The following DOCK1 variants were observed in gnomAD, a reference collection of about 807,000 sequenced individuals.
DOCK1 encodes the protein dedicator of cytokinesis 1, also known as dedicator of cytokinesis protein 1.
Under a neutral mutation model 262.7 loss-of-function variants are expected in DOCK1, and 138 were observed. The ratio of observed to expected loss-of-function variants is 0.53; its 90% CI spans 0.46 to 0.61. The LOEUF (loss-of-function observed/expected upper bound fraction) is 0.61, where lower values mean the gene tolerates loss of function less well. Among genes scored for constraint, DOCK1 ranks in the 20% least tolerant of loss-of-function variants. The pLI, the probability that DOCK1 is intolerant of heterozygous loss-of-function variation, is 0.00. For synonymous variants in DOCK1, 866 were observed against 867.4 expected, an observed-to-expected ratio of 1.00 and a Z score of 0.03; for missense variants, 1,908 against 2,370.7, an observed-to-expected ratio of 0.80 and a Z score of 4.05.
intron 23 of DOCK1, among the ~76,000 whole-genome samples, chr10:127,091,928 G>A (rs765260237): frequency 2.0e-5 from 3 of 152,248 alleles, no homozygotes; most frequent in Middle Eastern, 3.4e-3. Flanking sequence ...AGTTGGTACC[G>A]GGGAACCTGA....
intron 28 of DOCK1, among the ~76,000 whole-genome samples, chr10:127,248,726 G>C (rs995013499): frequency 6.6e-6 from 1 of 152,326 alleles, no homozygotes; most frequent in Non-Finnish European, 1.5e-5. Flanking sequence ...GGCAGACTTT[G>C]TGATTACATG....
intron 12 of DOCK1, among the ~76,000 whole-genome samples, chr10:127,016,990 CA>C: frequency 1.2e-5 from 1 of 82,268 alleles, no homozygotes; most frequent in East Asian, 3.8e-4. Flanking sequence ...CACACACACA[CA>C]GATACAGACA....
chr10:127,381,242 A>G, intron 36 of DOCK1, 36 bp from the exon 37 acceptor site: 1 of 1,558,672 alleles, frequency 6.4e-7, no homozygotes, highest in African/African-American at 1.4e-5. Flanking sequence ...TTATTTAGTG[A>G]CATTTTAAGA....
intron 27 of DOCK1, among the ~76,000 whole-genome samples, chr10:127,132,604 G>A (rs1181904756): frequency 3.9e-5 from 6 of 152,120 alleles, no homozygotes; most frequent in African/African-American, 1.2e-4. Context: ...GCAGGTGACC[G>A]CGGCTGGGAT....
intron 27 of DOCK1, among the ~76,000 whole-genome samples, chr10:127,195,060 C>T (rs1446251530): frequency 6.6e-6 from 1 of 152,202 alleles, no homozygotes; most frequent in African/African-American, 2.4e-5. Context: ...CTCTCCTCCC[C>T]CACTCCTGGC....
intron 1 of DOCK1, among the ~76,000 whole-genome samples, chr10:126,941,202 T>C (rs2134250340): frequency 6.6e-6 from 1 of 152,300 alleles, no homozygotes; most frequent in Admixed American, 6.5e-5. Context: ...GTTGGTAGCT[T>C]CCTTGTTTTT....
At chr10:126,922,209 CAAAAAA>C (rs1213635501) in intron 1 of DOCK1, among the ~76,000 whole-genome samples, 16 of 63,940 alleles carry the variant, frequency 2.5e-4, no homozygotes, top group African/African-American at 8.7e-4. Context: ...GACCCTGTAT[CAAAAAA>C]AAAAAAAAAA....
chr10:127,138,406 A>G (rs372454608), intron 27 of DOCK1, among the ~76,000 whole-genome samples: 1 of 152,162 alleles, frequency 6.6e-6, no homozygotes, highest in Non-Finnish European at 1.5e-5. Context: ...ACCTTAGTAC[A>G]TCTATACCAA....
At chr10:127,137,901 G>A in intron 27 of DOCK1, 1 of 1,614,152 alleles carries the variant, frequency 6.2e-7, no homozygotes, top group Middle Eastern at 1.6e-4. Flanking sequence ...TTGCTTGGGA[G>A]TTGAGGAGTA....
At chr10:126,958,493 T>G (rs2036927490) in intron 1 of DOCK1, among the ~76,000 whole-genome samples, 1 of 152,280 alleles carries the variant, frequency 6.6e-6, no homozygotes, top group Admixed American at 6.5e-5. Flanking sequence ...ACAATGGGTA[T>G]TCCCACATCT....
Position 127,443,081 on chromosome 10 carries a change from C to T in DOCK1, c.5260-1045C>T, listed in dbSNP as rs75642990. 6.9e-3 allele frequency among the ~76,000 whole-genome samples: 1,047 copies of T among 152,276 alleles called. 11 individuals are homozygous for T. Among genetic ancestry groups the T allele is most frequent in the African/African-American group, 0.024 (982 of 41,542 alleles). ...TGAGGGAGAGTCTACACATGCCTCT[C>T]TCCTCCTGTCTGGGGGTTTGCTGCC... On this transcript the variant is annotated intron_variant, in intron 49 of 51. Coordinates refer to ENST00000623213, the MANE Select transcript of DOCK1 (RefSeq NM_001290223.2).
At chr10:127,256,070 T>G (rs963192724) in intron 28 of DOCK1, among the ~76,000 whole-genome samples, 1 of 152,184 alleles carries the variant, frequency 6.6e-6, no homozygotes, top group African/African-American at 2.4e-5. Context: ...TGATTTTGTC[T>G]GGGTCACTAA....
At chr10:127,192,949 A>G (rs528116758) in intron 27 of DOCK1, among the ~76,000 whole-genome samples, 1 of 152,316 alleles carries the variant, frequency 6.6e-6, no homozygotes, top group East Asian at 1.9e-4. Context: ...CACTACATAT[A>G]TATCATAGGT....
chr10:127,055,195 G>C (rs563063026), intron 22 of DOCK1, among the ~76,000 whole-genome samples: 1 of 151,940 alleles, frequency 6.6e-6, no homozygotes, highest in African/African-American at 2.4e-5. Flanking sequence ...TGTGCAGCCC[G>C]GAGGAAGAGT....
chr10:127,134,783 T>G (rs1449489286), intron 27 of DOCK1, among the ~76,000 whole-genome samples: 1 of 152,142 alleles, frequency 6.6e-6, no homozygotes, highest in Non-Finnish European at 1.5e-5. Flanking sequence ...TGAGTGTCGG[T>G]CTGCAGTGCC....
rs375938530 is a variant in DOCK1, at chr10:127,057,587, A to G, written c.2337-4081A>G. Among the ~76,000 whole-genome samples the G allele has an allele frequency of 5.9e-5, 9 of 152,238 alleles. 1 individual carries two copies. Among genetic ancestry groups the G allele is most frequent in the Admixed American group, 2.6e-4 (4 of 15,284 alleles). On this transcript the variant is annotated intron_variant, in intron 22 of 51. Coordinates refer to ENST00000623213, the MANE Select transcript of DOCK1 (RefSeq NM_001290223.2). ...AAGACATTTGGTTCCTGGGGAACCC[A>G]CTGAAAGATTCCTGACAGCCGGGGG...
At chr10:126,923,033 C>T (rs1027264480) in intron 1 of DOCK1, among the ~76,000 whole-genome samples, 3 of 151,994 alleles carry the variant, frequency 2.0e-5, no homozygotes, top group Admixed American at 1.3e-4. Flanking sequence ...TGCTTCAGCC[C>T]GGGAGGCGGA....
chr10:127,197,572 C>G (rs973117196), intron 27 of DOCK1, among the ~76,000 whole-genome samples: 1 of 152,130 alleles, frequency 6.6e-6, no homozygotes, highest in African/African-American at 2.4e-5. Flanking sequence ...GTCTGTTTCT[C>G]AGGAAAGGTC....
intron 13 of DOCK1, among the ~76,000 whole-genome samples, chr10:127,021,242 C>T (rs1424856677): frequency 2.6e-5 from 4 of 152,192 alleles, no homozygotes; most frequent in Middle Eastern, 3.4e-3. Flanking sequence ...CTCAGCTCAC[C>T]GCAACGTCTG....
Sources: allele counts gnomAD v4.1 joint callset (sites outside exome capture counted in the v4.1 genomes callset), GRCh38; gene constraint gnomAD v4.1.1; transcripts MANE v1.5; gene names NCBI Gene and HGNC (gene_info 2026-07-23, HGNC 2026-07-21).